NMD3: variants seen among roughly 807,000 people sequenced by gnomAD.
NMD3 encodes 60S ribosomal export protein NMD3.
Under a neutral mutation model 73.1 loss-of-function variants are expected in NMD3, and 47 were observed. That is an observed-to-expected ratio of 0.64 (90% CI 0.51 to 0.82). The LOEUF is 0.82. NMD3 is among the 40% of genes least tolerant of loss of function. The pLI, the probability that NMD3 is intolerant of heterozygous loss-of-function variation, is 0.00. For synonymous variants in NMD3, 210 were observed against 194.5 expected, an observed-to-expected ratio of 1.08 and a Z score of -0.66; for missense variants, 554 against 612.5, an observed-to-expected ratio of 0.90 and a Z score of 1.01.
In NMD3 at chr3:161,249,492, G is replaced by A. The variant is rs1032641773; in HGVS notation, c.1242G>A (p.Gln414=). Residue 414 remains glutamine (Q), a synonymous_variant, in exon 14 of 16, where the codon CAG becomes CAA. Transcript: ENST00000351193. ...IKKSYDRTKR[Q]RRRNWKLKEL... ...AGAGCTATGACCGGACCAAACGTCAGCGTCGTAGAAACTGGAAATTGAAAG... is the reference window on the plus strand; with the variant it reads ...AGAGCTATGACCGGACCAAACGTCAACGTCGTAGAAACTGGAAATTGAAAG... 6.2e-7 allele frequency: 1 copy of A among 1,612,372 alleles called. No individual in the cohort carries two copies. Among genetic ancestry groups the A allele is most frequent in the African/African-American group, 1.3e-5 (1 of 74,724 alleles).
chr3:161,229,884 A>G (rs1736466152), intron 4 of NMD3, among the ~76,000 whole-genome samples: 1 of 152,170 alleles, frequency 6.6e-6, no homozygotes, highest in South Asian at 2.1e-4. Context: ...TTTGCAGCTG[A>G]TGAGTCAAGT....
chr3:161,244,657 T>A (rs200219363), intron 11 of NMD3, among the ~76,000 whole-genome samples: 5 of 88,432 alleles, frequency 5.7e-5, no homozygotes, highest in Admixed American at 2.4e-4. Context: ...TTTTTTTTTT[T>A]AAAGAGACAA....
intron 4 of NMD3, among the ~76,000 whole-genome samples, chr3:161,228,492 C>G (rs1736413160): frequency 1.3e-5 from 2 of 151,114 alleles, no homozygotes; most frequent in Non-Finnish European, 2.9e-5. Context: ...CTTTCATGTT[C>G]TTGATGCATT....
chr3:161,221,959 T>C, intron 1 of NMD3, 35 bp from the exon 2 acceptor site: 1 of 55,566 alleles, frequency 1.8e-5, no homozygotes, highest in Non-Finnish European at 2.3e-5. Context: ...CAACATTCTC[T>C]TTTTTTTTTT....
At chr3:161,223,810 A>G (rs1736203066) in intron 2 of NMD3, among the ~76,000 whole-genome samples, 1 of 152,192 alleles carries the variant, frequency 6.6e-6, no homozygotes, top group South Asian at 2.1e-4. Context: ...TTGACACACT[A>G]TTGCCTTGTT....
intron 7 of NMD3, among the ~76,000 whole-genome samples, chr3:161,235,963 T>C (rs537667452): frequency 6.6e-6 from 1 of 152,254 alleles, no homozygotes; most frequent in Non-Finnish European, 1.5e-5. Context: ...CTATTTTTAG[T>C]TTTAAACAAT....
At chr3:161,245,876 C>G (rs1264192266) in intron 11 of NMD3, among the ~76,000 whole-genome samples, 1 of 152,052 alleles carries the variant, frequency 6.6e-6, no homozygotes, top group Non-Finnish European at 1.5e-5. Context: ...TAGTGGTTTA[C>G]TACCAGGATT....
At chr3:161,248,707 A>G (rs765863140) in intron 13 of NMD3, among the ~76,000 whole-genome samples, 1 of 152,304 alleles carries the variant, frequency 6.6e-6, no homozygotes, top group Middle Eastern at 3.4e-3. Flanking sequence ...AAATCTGTTA[A>G]GTTCTAACAT....
downstream of NMD3, chr3:161,252,959 C>T (rs928130093): frequency 7.0e-5 from 33 of 471,376 alleles, no homozygotes; most frequent in Admixed American, 6.0e-4. Context: ...ATTATCCGGG[C>T]GTGGTGGTGC....
chr3:161,231,935 A>G (rs1736560289), intron 4 of NMD3, among the ~76,000 whole-genome samples: 1 of 151,982 alleles, frequency 6.6e-6, no homozygotes, highest in African/African-American at 2.4e-5. Flanking sequence ...GGAGTATGGG[A>G]AATAGGGGTG....
At chr3:161,239,152 G>T (rs964248355) in intron 9 of NMD3, among the ~76,000 whole-genome samples, 3 of 152,050 alleles carry the variant, frequency 2.0e-5, no homozygotes, top group African/African-American at 7.2e-5. Flanking sequence ...TAAAAGAAAT[G>T]ACATTAAAAT....
intron 2 of NMD3, 23 bp downstream of exon 2, chr3:161,222,080 C>T (rs750904952): frequency 1.9e-6 from 3 of 1,601,442 alleles, no homozygotes. Context: ...CTTCTTCCTT[C>T]CCCCTTAAAT....
chr3:161,244,891 C>CT (rs1022888225), intron 11 of NMD3, among the ~76,000 whole-genome samples: 14 of 151,936 alleles, frequency 9.2e-5, no homozygotes, highest in African/African-American at 2.7e-4. Flanking sequence ...CCTGCCCTTT[C>CT]TTTTTTTTGA....
chr3:161,221,988 T>TTA lies in NMD3; in HGVS notation c.-20-6_-20-5insTA, dbSNP rs748443883. On this transcript the variant is annotated splice_region_variant and splice_polypyrimidine_tract_variant and intron_variant, in intron 1 of 15. Transcript: ENST00000351193. ...TTTTTTTTTTTTTTTTTTTTTTTTTTAAAAGAACTTAAGGCATACAGAACG... is the reference window on the plus strand; with the variant it reads ...TTTTTTTTTTTTTTTTTTTTTTTTTTTAAAAAGAACTTAAGGCATACAGAACG... 2.3e-4 allele frequency: 272 copies of TTA among 1,192,162 alleles called. 4 individuals carry two copies. The highest frequency in any genetic ancestry group is 2.1e-3 in the Admixed American group (93 of 44,374). The allele number at this position is 1,192,162 out of a possible 1,614,324, so 73.8% of individuals were successfully genotyped here.
At chr3:161,252,818 G>C, downstream of NMD3, 4 of 694,472 alleles carry the variant, frequency 5.8e-6, no homozygotes, top group Non-Finnish European at 1.0e-5. Flanking sequence ...TCACTGAGGG[G>C]CCAAGTGTGG....
intron 14 of NMD3, 160 bp downstream of exon 14, chr3:161,249,720 G>A (rs1250182062): frequency 1.5e-6 from 1 of 646,520 alleles, no homozygotes; most frequent in East Asian, 2.8e-5. Context: ...ATAAGATGAT[G>A]TAAAGACATT....
intron 4 of NMD3, among the ~76,000 whole-genome samples, chr3:161,231,676 C>T (rs1736549794): frequency 6.6e-6 from 1 of 152,062 alleles, no homozygotes. Flanking sequence ...CAATGAAGAG[C>T]AAGGACGATA....
At chr3:161,245,246 A>G (rs1241127188) in intron 11 of NMD3, among the ~76,000 whole-genome samples, 1 of 152,042 alleles carries the variant, frequency 6.6e-6, no homozygotes. Context: ...ATGACATTCT[A>G]CATTTTATTT....
In NMD3 at chr3:161,250,957, A is replaced by G; in HGVS notation, c.*47A>G. ...CATACATGGGCTTAAGAAGTTGGAC[A>G]GAGTTACCTTAAGTGTCTCTACTAT... On this transcript the variant is annotated 3_prime_UTR_variant, in exon 16 of 16. Coordinates refer to ENST00000351193, the MANE Select transcript of NMD3 (RefSeq NM_015938.5). 1.3e-6 allele frequency: 2 copies of G among 1,540,992 alleles called. No homozygotes were observed. The highest frequency in any genetic ancestry group is 2.3e-5 in the South Asian group (2 of 86,412).
Sources: gnomAD v4.1 joint callset for allele counts (sites outside exome capture counted in the v4.1 genomes callset) on GRCh38, gnomAD v4.1.1 for gene constraint, MANE v1.5 for transcripts, NCBI Gene and HGNC (gene_info 2026-07-23, HGNC 2026-07-21) for gene names.